The following ENPP1 variants were observed in gnomAD, a reference collection of about 807,000 sequenced individuals.
The protein encoded by ENPP1 is ectonucleotide pyrophosphatase/phosphodiesterase family member 1.
A neutral mutation model predicts 122.8 loss-of-function variants in ENPP1; 73 were observed. That is an observed-to-expected ratio of 0.59 (90% CI 0.49 to 0.72). The LOEUF (loss-of-function observed/expected upper bound fraction) is 0.72. Ranked by LOEUF, ENPP1 falls within the 30% of genes least tolerant of loss-of-function variation. The pLI is 0.00. For synonymous variants in ENPP1, 367 were observed against 391.6 expected, an observed-to-expected ratio of 0.94 and a Z score of 0.74; for missense variants, 978 against 1,128.1, an observed-to-expected ratio of 0.87 and a Z score of 1.91.
chr6:131,877,535 AT>A (rs1163765328), intron 18 of ENPP1: 8 of 220,146 alleles, frequency 3.6e-5, no homozygotes, highest in African/African-American at 1.6e-4. Context: ...ACCAATCACA[AT>A]GTACCTTTTT....
At position 131,886,671 on chromosome 6, in the gene ENPP1, G is replaced by T; in HGVS notation, c.2554G>T (p.Asp852Tyr). ...GACGCCTTTGCACTGTGAAAACCTAGACACCTTAGCTTTCATTTTGCCTCA... is the reference window on the plus strand; with the variant it reads ...GACGCCTTTGCACTGTGAAAACCTATACACCTTAGCTTTCATTTTGCCTCA... ...SQTPLHCENL[D>Y]TLAFILPHRT... The change falls in exon 24 of 25, where the codon GAC (aspartate) becomes TAC (tyrosine). Residue 852 changes from aspartate to tyrosine, a missense_variant. Coordinates refer to ENST00000647893, the MANE Select transcript of ENPP1 (RefSeq NM_006208.3). The T allele has an allele frequency of 6.2e-7, 1 of 1,614,034 alleles. No homozygotes were observed. Among genetic ancestry groups the T allele is most frequent in the South Asian group, 1.1e-5 (1 of 91,074 alleles).
rs1781891520 is a variant in ENPP1, at chr6:131,852,222, C to G, written c.604C>G (p.Gln202Glu). ...EEPCESINEP[Q>E]CPAGFETPPT... is the part of the protein sequence containing the mutation. ...ACCATGTGAGAGCATTAATGAGCCA[C>G]AGTGCCCAGCAGGGTAAGATTATAT... is the stretch of plus-strand genomic sequence containing the variant. Residue 202 changes from glutamine (Q) to glutamate (E), a missense_variant, in exon 5 of 25, where the codon CAG becomes GAG. Gln to Glu is a conservative substitution (Grantham distance 29, BLOSUM62 2). Around this residue, in one of 3 missense-constraint regions of ENPP1, gnomAD observed 330 missense variants for 328.5 expected, o/e 1.00. Transcript: ENST00000647893. 6.2e-7 allele frequency: 1 copy of G among 1,602,062 alleles called. No homozygotes were observed.
At chr6:131,871,611 T>C (rs76597451) in intron 13 of ENPP1, among the ~76,000 whole-genome samples, 216 of 152,330 alleles carry the variant, frequency 1.4e-3, no homozygotes, top group African/African-American at 4.9e-3. Context: ...GTTGAGTATT[T>C]CCTAGGGAAC....
At chr6:131,822,997 G>C (rs1048243516) in intron 1 of ENPP1, among the ~76,000 whole-genome samples, 3 of 152,180 alleles carry the variant, frequency 2.0e-5, no homozygotes, top group Non-Finnish European at 4.4e-5. Context: ...GCCGAGACTA[G>C]TTTTTATTTC....
intron 21 of ENPP1, among the ~76,000 whole-genome samples, chr6:131,882,743 T>G (rs1175298159): frequency 6.6e-6 from 1 of 150,650 alleles, no homozygotes; most frequent in Non-Finnish European, 1.5e-5. Flanking sequence ...AAAATTTTAA[T>G]CATCTAAAAC....
At chr6:131,854,061 CT>C (rs771557949) in intron 5 of ENPP1, among the ~76,000 whole-genome samples, 1 of 152,062 alleles carries the variant, frequency 6.6e-6, no homozygotes, top group Non-Finnish European at 1.5e-5. Context: ...ATCTCTCAAA[CT>C]TTTGTATTAA....
chr6:131,850,530 T>C (rs1781867999), intron 3 of ENPP1, among the ~76,000 whole-genome samples: 1 of 152,200 alleles, frequency 6.6e-6, no homozygotes, highest in Non-Finnish European at 1.5e-5. Context: ...GCATATGACA[T>C]GGAATAATTT....
rs558707511 is a variant in ENPP1, at chr6:131,885,510, A to T, written c.2444+447A>T. ...GGGTGAATGTTATGGCTTTTACCCA[A>T]CTGTGGCTGGAGGGGCATGATAAAA... On this transcript the variant is annotated intron_variant, in intron 23 of 24. Coordinates refer to ENST00000647893, the MANE Select transcript of ENPP1 (RefSeq NM_006208.3). Among the ~76,000 whole-genome samples, 539 of 152,268 alleles carry T rather than the reference A, an allele frequency of 3.5e-3. 2 individuals are homozygous for T. Among genetic ancestry groups the T allele is most frequent in the African/African-American group, 0.012 (489 of 41,546 alleles).
At chr6:131,842,066 C>T (rs1048533289) in intron 1 of ENPP1, among the ~76,000 whole-genome samples, 5 of 152,158 alleles carry the variant, frequency 3.3e-5, no homozygotes, top group African/African-American at 9.7e-5. Flanking sequence ...TTACACTCTG[C>T]CTGCCTAGGT....
In ENPP1 at chr6:131,892,137, C is replaced by T. The variant is rs1782479167; in HGVS notation, c.*1626C>T. 6.6e-6 allele frequency: 1 copy of T among 152,022 alleles called. No individual in the cohort carries two copies. Among genetic ancestry groups the T allele is most frequent in the African/African-American group, 2.4e-5 (1 of 41,392 alleles). 9.4% of individuals were successfully genotyped at this position (152,022 alleles called of 1,614,324 possible). ...CCAACATCTGTCACCTCATTGTTTG[C>T]ATCTACTGATGGTCTTTTTTCCATT... On this transcript the variant is annotated 3_prime_UTR_variant, in exon 25 of 25. Transcript: ENST00000647893.
At chr6:131,879,278 A>G (rs555143315) in intron 19 of ENPP1, among the ~76,000 whole-genome samples, 36 of 152,296 alleles carry the variant, frequency 2.4e-4, no homozygotes, top group Admixed American at 4.6e-4. Context: ...AGTAGATCCA[A>G]GTTTGAATAT....
intron 1 of ENPP1, among the ~76,000 whole-genome samples, chr6:131,832,744 T>C (rs907193582): frequency 6.6e-6 from 1 of 152,172 alleles, no homozygotes; most frequent in Non-Finnish European, 1.5e-5. Context: ...GCCAGGCATC[T>C]TTCTGTCTCT....
chr6:131,853,604 T>C (rs2114694864), intron 5 of ENPP1, among the ~76,000 whole-genome samples: 1 of 152,336 alleles, frequency 6.6e-6, no homozygotes, highest in African/African-American at 2.4e-5. Context: ...TGGAGCTATG[T>C]TACAGATAGT....
chr6:131,840,720 A>G (rs1359625334), intron 1 of ENPP1, among the ~76,000 whole-genome samples: 1 of 152,192 alleles, frequency 6.6e-6, no homozygotes, highest in African/African-American at 2.4e-5. Flanking sequence ...GCCTGAGACC[A>G]CTGCAGTTGT....
chr6:131,876,253 A>G (rs1782229532), intron 17 of ENPP1, among the ~76,000 whole-genome samples: 1 of 152,224 alleles, frequency 6.6e-6, no homozygotes, highest in Non-Finnish European at 1.5e-5. Context: ...TAATGGTTGA[A>G]TATAGGTCAG....
At position 131,893,949 on chromosome 6, in the gene ENPP1, C is replaced by CTTT. The variant is rs564304453; in HGVS notation, c.*3466_*3468dup. The CTTT allele has an allele frequency of 2.0e-4, 12 of 59,500 alleles. No homozygotes were observed. Among genetic ancestry groups the CTTT allele is most frequent in the Admixed American group, 2.4e-4 (1 of 4,088 alleles). 3.7% of individuals were successfully genotyped at this position (59,500 alleles called of 1,614,324 possible). On this transcript the variant is annotated 3_prime_UTR_variant, in exon 25 of 25. Coordinates refer to ENST00000647893, the MANE Select transcript of ENPP1 (RefSeq NM_006208.3). ...GTGAAACCTTTATTTATCTTGATTT[C>CTTT]TTTTTTTTTTTTTTTTTTTTTTTTT... is the stretch of plus-strand genomic sequence containing the variant.
intron 1 of ENPP1, among the ~76,000 whole-genome samples, chr6:131,838,868 T>C (rs964020188): frequency 6.6e-6 from 1 of 152,050 alleles, no homozygotes; most frequent in Non-Finnish European, 1.5e-5. Flanking sequence ...AAAAGGTAGG[T>C]GAAATGAAAA....
chr6:131,852,365 T>A (rs1781893190), intron 5 of ENPP1, 130 bp downstream of exon 5: 1 of 666,066 alleles, frequency 1.5e-6, no homozygotes, highest in African/African-American at 1.8e-5. Flanking sequence ...GAGTATCCTT[T>A]ATCCAAAATG....
chr6:131,875,718 G>A (rs115951650), intron 16 of ENPP1, 58 bp from the exon 17 acceptor site: 1 of 1,356,826 alleles, frequency 7.4e-7, no homozygotes, highest in African/African-American at 1.4e-5. Context: ...CAGAATTTTT[G>A]GGACCAACTT....
Sources: gnomAD v4.1 joint callset for allele counts (sites outside exome capture counted in the v4.1 genomes callset) on GRCh38, gnomAD v4.1.1 for gene constraint, gnomAD v4.1.1 regional missense constraint, MANE v1.5 for transcripts, NCBI Gene and HGNC (gene_info 2026-07-23, HGNC 2026-07-21) for gene names.